The following SYNE1 variants were observed in gnomAD, a reference collection of about 807,000 sequenced individuals.
SYNE1 encodes the protein nesprin-1.
In SYNE1, 616 loss-of-function variants were observed where a neutral mutation model predicts 1,111.0. The observed-to-expected ratio is 0.55, with a 90% CI of 0.52 to 0.59. SYNE1 has a LOEUF of 0.59. SYNE1 is among the 20% of genes least tolerant of loss of function. SYNE1 has a pLI of 0.00. For missense variants in SYNE1, 10,006 were observed against 10,417.0 expected (o/e 0.96, Z 1.72); for synonymous variants, 3,855 against 3,825.8 (o/e 1.01, Z -0.28).
chr6:152,465,096 T>C (rs2098756642), intron 18 of SYNE1, among the ~76,000 whole-genome samples, 162 bp downstream of exon 18: 1 of 152,160 alleles, frequency 6.6e-6, no homozygotes, highest in African/African-American at 2.4e-5. Context: ...AGCAGTGTAT[T>C]TATTGGTCTG....
At chr6:152,134,543 C>T (rs36011515) in intron 142 of SYNE1, 16,695 of 159,314 alleles carry the variant, frequency 0.1, 1,076 homozygotes, top group Non-Finnish European at 0.14. Flanking sequence ...GTGGCTTACA[C>T]CTGTAGTCCC....
intron 33 of SYNE1, 126 bp downstream of exon 33, chr6:152,435,815 C>T (rs2098469200): frequency 5.6e-6 from 7 of 1,243,970 alleles, no homozygotes; most frequent in Non-Finnish European, 6.8e-6. Context: ...GAGTTGTTTC[C>T]TCAAAACATG....
At position 152,510,266 on chromosome 6, in the gene SYNE1, G is replaced by C. The variant is rs777175001; in HGVS notation, c.508C>G (p.Arg170Gly). Residue 170 changes from arginine (R) to glycine (G), a missense_variant, in exon 8 of 146, where the codon CGG (arginine) becomes GGG (glycine). Arg to Gly is a moderately radical substitution (Grantham distance 125, BLOSUM62 -2). Around this residue, in one of 7 missense-constraint regions of SYNE1, gnomAD observed 1,971 missense variants for 2,084.1 expected, o/e 0.95. Coordinates refer to ENST00000367255, the MANE Select transcript of SYNE1 (RefSeq NM_182961.4). ...CCTTGGATCTTGGTGGTCACCTTCC[G>C]TTTACTTGGTGGGCTGGGAGTCTCA... ...SSETPSPPSK[R>G]KVTTKIQGNA... 3.1e-6 allele frequency: 5 copies of C among 1,613,708 alleles called. No homozygotes were observed. Among genetic ancestry groups the C allele is most frequent in the Non-Finnish European group, 4.2e-6 (5 of 1,179,902 alleles).
intron 32 of SYNE1, 93 bp downstream of exon 32, chr6:152,441,037 A>G: frequency 1.4e-6 from 2 of 1,463,836 alleles, no homozygotes; most frequent in East Asian, 2.3e-5. Flanking sequence ...TTAAATTAAC[A>G]ATAACAATTA....
In SYNE1 at chr6:152,453,733, G is replaced by C; in HGVS notation, c.2893-13C>G. 2 of 1,614,110 alleles carry C rather than the reference G, an allele frequency of 1.2e-6. No individual in the cohort carries two copies. Among genetic ancestry groups the C allele is most frequent in the Non-Finnish European group, 1.7e-6 (2 of 1,180,006 alleles). The stretch of plus-strand genomic sequence containing the variant: ...GACTGAAAAACTCCTGACATGGAAG[G>C]GGAAAGTGGGTAAGAGTGTTGGACA... On this transcript the variant is annotated splice_polypyrimidine_tract_variant and intron_variant, in intron 24 of 145. Coordinates refer to ENST00000367255, the MANE Select transcript of SYNE1 (RefSeq NM_182961.4).
chr6:152,380,923 C>T, intron 56 of SYNE1, 83 bp downstream of exon 56: 1 of 1,401,754 alleles, frequency 7.1e-7, no homozygotes, highest in Non-Finnish European at 1.0e-6. Context: ...TTTTAGTTAG[C>T]AAGATTTTTT....
At chr6:152,149,425 C>T (rs971853792) in intron 136 of SYNE1, 52 bp downstream of exon 136, 43 of 1,608,364 alleles carry the variant, frequency 2.7e-5, no homozygotes, top group African/African-American at 1.6e-4. Flanking sequence ...CAATCCCACA[C>T]GACTTATTCT....
intron 105 of SYNE1, among the ~76,000 whole-genome samples, chr6:152,245,814 C>T (rs1194196147): frequency 1.3e-5 from 2 of 152,068 alleles, no homozygotes; most frequent in African/African-American, 4.8e-5. Flanking sequence ...CACAGATGCC[C>T]CTCCTTATTC....
chr6:152,218,191 C>CA (rs1318602350), intron 121 of SYNE1, 66 bp downstream of exon 121: 30,970 of 1,046,450 alleles, frequency 0.03, no homozygotes, highest in Non-Finnish European at 0.033. Context: ...GACTCCATCT[C>CA]AAAAAAAAAA....
Position 152,337,142 on chromosome 6 carries a change from C to T in SYNE1, c.12352-125G>A. On this transcript the variant is annotated intron_variant, in intron 75 of 145. Coordinates refer to ENST00000367255, the MANE Select transcript of SYNE1 (RefSeq NM_182961.4). ...TGACACACACATACACACGCAAACT[C>T]ACACACACAAATACATAAATTTAAA... The T allele has an allele frequency of 3.5e-6, 3 of 860,396 alleles. No individual in the cohort carries two copies. The Admixed American group carries it at 7.2e-5, about 21-fold the overall frequency. The allele number at this position is 860,396 out of a possible 1,614,324, so 53.3% of individuals were successfully genotyped here.
Position 152,387,412 on chromosome 6 carries a change from G to T in SYNE1, c.8178-31C>A. On this transcript the variant is annotated intron_variant, in intron 53 of 145. Transcript: ENST00000367255. ...ATTAATGTCACATATTAACAAAAAT[G>T]AATTATTTTGACATCTCTACTGAAA... 1.9e-6 allele frequency: 3 copies of T among 1,605,746 alleles called. No individual in the cohort carries two copies. In the South Asian group the frequency reaches 3.3e-5, roughly 18 times the overall value.
At chr6:152,139,904 G>A (rs78106763) in intron 140 of SYNE1, 46 bp downstream of exon 140, 13 of 1,577,046 alleles carry the variant, frequency 8.2e-6, no homozygotes, top group East Asian at 4.5e-5. Flanking sequence ...TCGTTCACGC[G>A]GTGGCTCTCT....
chr6:152,155,093 C>T, intron 132 of SYNE1, 51 bp from the exon 133 acceptor site: 3 of 1,611,208 alleles, frequency 1.9e-6, no homozygotes, highest in Non-Finnish European at 2.5e-6. Context: ...ACTGTTTTCG[C>T]TCCAGAACCC....
chr6:152,147,391 T>G (rs2059699709), intron 137 of SYNE1: 1 of 152,182 alleles, frequency 6.6e-6, no homozygotes, highest in Admixed American at 6.6e-5. Context: ...TCCCAGCACC[T>G]CCCTCCGCAG....
chr6:152,330,727 T>C lies in SYNE1; in HGVS notation c.13958A>G (p.Asn4653Ser), dbSNP rs2096227598. ...GTCTTTAGCCAAGGCAACAATTACA[T>C]TAAATTGTCGAGGCAAAGCATTTAG... ...EKLNALPRQF[N>S]VIVALAKDKF... Residue 4653 changes from asparagine to serine, a missense_variant, in exon 78 of 146, where the codon AAT becomes AGT. Asn to Ser is a conservative substitution (Grantham distance 46). Coordinates refer to ENST00000367255, the MANE Select transcript of SYNE1 (RefSeq NM_182961.4). The C allele has an allele frequency of 1.2e-6, 2 of 1,613,948 alleles. No homozygotes were observed. Among genetic ancestry groups the C allele is most frequent in the Middle Eastern group, 1.6e-4 (1 of 6,084 alleles).
chr6:152,323,433 C>T (rs756446809), intron 82 of SYNE1, 45 bp downstream of exon 82: 4 of 1,596,922 alleles, frequency 2.5e-6, no homozygotes, highest in Non-Finnish European at 3.4e-6. Flanking sequence ...AGCGAGACTC[C>T]AAACAAACAA....
chr6:152,146,024 C>CAAAAAAAAAAAAA (rs57218606), intron 137 of SYNE1: 6 of 49,668 alleles, frequency 1.2e-4, no homozygotes, highest in Admixed American at 3.0e-4. Flanking sequence ...GACTTCGTCT[C>CAAAAAAAAAAAAA]AAAAAAAAAA....
At chr6:152,352,467 A>C in intron 69 of SYNE1, 114 bp from the exon 70 acceptor site, 1 of 1,132,390 alleles carries the variant, frequency 8.8e-7, no homozygotes, top group Non-Finnish European at 1.3e-6. Context: ...CAGTGGCACA[A>C]TCTTGGCTCA....
chr6:152,166,597 A>G (rs953639376), intron 130 of SYNE1, among the ~76,000 whole-genome samples: 1 of 152,226 alleles, frequency 6.6e-6, no homozygotes, highest in Non-Finnish European at 1.5e-5. Flanking sequence ...ATATCGAATG[A>G]GTTCCAAGTC....
Sources: gnomAD v4.1 joint callset for allele counts (sites outside exome capture counted in the v4.1 genomes callset) on GRCh38, gnomAD v4.1.1 for gene constraint, gnomAD v4.1.1 regional missense constraint, MANE v1.5 for transcripts, NCBI Gene and HGNC (gene_info 2026-07-23, HGNC 2026-07-21) for gene names.